GLYR1: variants seen among roughly 807,000 people sequenced by gnomAD.
GLYR1 encodes glyoxylate reductase 1 homolog.
GLYR1 carries 21 observed loss-of-function variants against 72.7 expected under a neutral mutation model. The observed-to-expected ratio is 0.29, with a 90% CI of 0.20 to 0.42. The LOEUF (loss-of-function observed/expected upper bound fraction) is 0.42, where lower values mean the gene tolerates loss of function less well. Among genes scored for constraint, GLYR1 ranks in the 10% least tolerant of loss-of-function variants. GLYR1 has a pLI of 1.00. For missense variants in GLYR1, 594 were observed against 712.1 expected, an observed-to-expected ratio of 0.83 and a Z score of 1.89; for synonymous variants, 392 against 270.2, an observed-to-expected ratio of 1.45 and a Z score of -4.42.
In GLYR1 at chr16:4,846,797, GCACAGGTCGGCTGCATC is replaced by G. The variant is rs1458210890; in HGVS notation, c.38+414_38+430del. ...TTAGACAACCCCGGCTGAGCCGGCC[GCACAGGTCGGCTGCATC>G]GCAACCTGGGCTTTGACCGAATGGC... is the stretch of plus-strand genomic sequence containing the variant. On this transcript the variant is annotated intron_variant, in intron 1 of 15. Transcript: ENST00000321919. The G allele has an allele frequency of 1.6e-5, 4 of 252,580 alleles. No homozygotes were observed. The East Asian group carries it at 5.2e-4, about 33-fold the overall frequency. 15.6% of individuals were successfully genotyped at this position (252,580 alleles called of 1,614,324 possible).
intron 3 of GLYR1, chr16:4,839,231 C>G (rs903092465): frequency 2.6e-5 from 4 of 152,192 alleles, no homozygotes; most frequent in East Asian, 1.9e-4. Context: ...AAGGTGAGAA[C>G]AAGCCGGCAT....
At chr16:4,812,624 C>G (rs946221901) in intron 12 of GLYR1, among the ~76,000 whole-genome samples, 1 of 151,226 alleles carries the variant, frequency 6.6e-6, no homozygotes, top group East Asian at 2.0e-4. Flanking sequence ...TCCCGAGTAA[C>G]TGGGACTACA....
At position 4,803,827 on chromosome 16, in the gene GLYR1, C is replaced by T. The variant is rs2082823584; in HGVS notation, c.*1409G>A. ...TACATATTGCATCGTAAATGCTGGC[C>T]TTCCTTCTGCAAATTATGATTTTGG... On this transcript the variant is annotated 3_prime_UTR_variant, in exon 16 of 16. Coordinates refer to ENST00000321919, the MANE Select transcript of GLYR1 (RefSeq NM_032569.4). The T allele has an allele frequency of 6.6e-6, 1 of 152,268 alleles. No individual in the cohort carries two copies. The highest frequency in any genetic ancestry group is 1.5e-5 in the Non-Finnish European group (1 of 68,038). The allele number at this position is 152,268 out of a possible 1,614,324, so 9.4% of individuals were successfully genotyped here.
intron 3 of GLYR1, among the ~76,000 whole-genome samples, chr16:4,842,308 C>G (rs905816690): frequency 6.6e-6 from 1 of 151,986 alleles, no homozygotes; most frequent in African/African-American, 2.4e-5. Flanking sequence ...TTCAGTCAGT[C>G]TTCTTGGTTC....
intron 6 of GLYR1, among the ~76,000 whole-genome samples, chr16:4,823,253 C>T (rs1177299822): frequency 1.3e-5 from 2 of 152,244 alleles, no homozygotes; most frequent in African/African-American, 4.8e-5. Context: ...TCAGGCACAG[C>T]AGATAACCCA....
chr16:4,824,996 T>C (rs1384527707), intron 5 of GLYR1, among the ~76,000 whole-genome samples: 1 of 152,136 alleles, frequency 6.6e-6, no homozygotes, highest in Non-Finnish European at 1.5e-5. Context: ...GAATGGGGCT[T>C]TACAGTTGGC....
intron 15 of GLYR1, 86 bp from the exon 16 acceptor site, chr16:4,805,396 G>T: frequency 8.7e-7 from 1 of 1,146,748 alleles, no homozygotes; most frequent in Non-Finnish European, 1.3e-6. Flanking sequence ...TGGTGGATGT[G>T]GCCAGCAGGC....
rs2142015420 is a variant in GLYR1, at chr16:4,832,132, T to A, written c.384A>T (p.Lys128Asn). ...TCACCTTCCCTTCAGACAGGCTAAGTTTGCGCTTCTCATCACCTGAGTTTG... is the reference window on the plus strand; with the variant it reads ...TCACCTTCCCTTCAGACAGGCTAAGATTGCGCTTCTCATCACCTGAGTTTG... ...SRPNSGDEKR[K>N]LSLSEGKVKK... is the part of the protein sequence containing the mutation. Residue 128 changes from lysine to asparagine, a missense_variant, in exon 5 of 16, where the codon AAA becomes AAT. Around this residue, in one of 5 missense-constraint regions of GLYR1, gnomAD observed 252 missense variants for 211.3 expected, o/e 1.19. Coordinates refer to ENST00000321919, the MANE Select transcript of GLYR1 (RefSeq NM_032569.4). 1 of 1,614,174 alleles carries A rather than the reference T, an allele frequency of 6.2e-7. No individual in the cohort carries two copies. The highest frequency in any genetic ancestry group is 2.2e-5 in the East Asian group (1 of 44,880).
chr16:4,825,884 C>A lies in GLYR1; in HGVS notation c.538-1977G>T, dbSNP rs1390056194. 2.0e-5 allele frequency among the ~76,000 whole-genome samples: 3 copies of A among 152,254 alleles called. No homozygotes were observed. In the East Asian group the frequency reaches 5.8e-4, roughly 29 times the overall value. ...AGCCAGGATGGTCTCGATCTCCTGA[C>A]CTCGTGATCCGCCCGCCTCGGCCTC... is the stretch of plus-strand genomic sequence containing the variant. On this transcript the variant is annotated intron_variant, in intron 5 of 15. Transcript: ENST00000321919.
chr16:4,805,187 G>C lies in GLYR1; in HGVS notation c.*49C>G. 1 of 1,485,518 alleles carries C rather than the reference G, an allele frequency of 6.7e-7. No homozygotes were observed. The highest frequency in any genetic ancestry group is 9.4e-7 in the Non-Finnish European group (1 of 1,065,152). The allele number at this position is 1,485,518 out of a possible 1,614,324, so 92.0% of individuals were successfully genotyped here. The stretch of plus-strand genomic sequence containing the variant: ...CAGGCCCCCGACCCCATGTGAGGAA[G>C]AGGGGGTCAGAGGGGGGATTGGAGG... On this transcript the variant is annotated 3_prime_UTR_variant, in exon 16 of 16. Transcript: ENST00000321919.
intron 11 of GLYR1, chr16:4,814,079 AC>A (rs1030099714): frequency 4.6e-5 from 18 of 389,526 alleles, no homozygotes; most frequent in South Asian, 2.9e-4. Context: ...AAAAAAAAAA[AC>A]AAACCCCATT....
chr16:4,838,591 C>CT lies in GLYR1; in HGVS notation c.156-5680dup, dbSNP rs745571978. ...ATCCACAGCCACTGATGAAACTTTTCTTTTTTTTTTTTTGAGACAGAGTCT... is the reference window on the plus strand; with the variant it reads ...ATCCACAGCCACTGATGAAACTTTTCTTTTTTTTTTTTTTGAGACAGAGTCT... On this transcript the variant is annotated intron_variant, in intron 3 of 15. Transcript: ENST00000321919. Among the ~76,000 whole-genome samples, 1,233 of 144,262 alleles carry CT rather than the reference C, an allele frequency of 8.5e-3. 10 individuals are homozygous for CT. The highest frequency in any genetic ancestry group is 0.026 in the African/African-American group (1,018 of 39,544). 94.6% of individuals were successfully genotyped at this position (144,262 alleles called of 152,430 possible). A position where few individuals can be genotyped will look rare whatever the true frequency, so the allele number is the denominator to read the frequency against.
At chr16:4,814,710 C>T (rs2141963824) in intron 10 of GLYR1, 63 bp from the exon 11 acceptor site, 1 of 1,305,630 alleles carries the variant, frequency 7.7e-7, no homozygotes, top group Non-Finnish European at 1.1e-6. Context: ...GCCAGCCAGG[C>T]CAGAGAATTG....
chr16:4,834,347 C>A (rs2084992245), intron 3 of GLYR1, among the ~76,000 whole-genome samples: 1 of 137,442 alleles, frequency 7.3e-6, no homozygotes, highest in Non-Finnish European at 1.5e-5. Context: ...GTTGCCCAGG[C>A]TGGAGTGCAA....
At chr16:4,823,762 A>T in intron 6 of GLYR1, 59 bp downstream of exon 6, 3 of 1,166,102 alleles carry the variant, frequency 2.6e-6, no homozygotes, top group Non-Finnish European at 3.7e-6. Flanking sequence ...AAAAAAAAGG[A>T]TCACACAGGA....
chr16:4,834,325 A>AG (rs1407807640), intron 3 of GLYR1, among the ~76,000 whole-genome samples: 1 of 94,738 alleles, frequency 1.1e-5, no homozygotes, highest in African/African-American at 4.5e-5. Context: ...TTTGAGACGG[A>AG]GTTTCACTCT....
intron 1 of GLYR1, 131 bp from the exon 2 acceptor site, chr16:4,846,341 G>A (rs2086057450): frequency 7.0e-6 from 7 of 999,078 alleles, no homozygotes; most frequent in South Asian, 3.8e-5. Context: ...AGCTTTCATA[G>A]CTGGGCCCAA....
chr16:4,829,517 C>T (rs974640785), intron 5 of GLYR1, among the ~76,000 whole-genome samples: 6 of 151,806 alleles, frequency 4.0e-5, no homozygotes, highest in Non-Finnish European at 8.8e-5. Flanking sequence ...GACAGGGTCT[C>T]GCTGTGTCAC....
chr16:4,825,374 G>T (rs941633656), intron 5 of GLYR1, among the ~76,000 whole-genome samples: 2 of 152,134 alleles, frequency 1.3e-5, no homozygotes, highest in Non-Finnish European at 2.9e-5. Context: ...CACCAAGCAT[G>T]TGCCTGCCCT....
Sources: allele counts gnomAD v4.1 joint callset (sites outside exome capture counted in the v4.1 genomes callset), GRCh38; gene constraint gnomAD v4.1.1; regional missense constraint gnomAD v4.1.1; transcripts MANE v1.5; gene names NCBI Gene and HGNC (gene_info 2026-07-23, HGNC 2026-07-21).